FRAS1: variants seen among roughly 807,000 people sequenced by gnomAD.
The protein encoded by FRAS1 is extracellular matrix organizing protein FRAS1.
FRAS1 carries 290 observed loss-of-function variants against 435.2 expected under a neutral mutation model. The ratio of observed to expected loss-of-function variants is 0.67; its 90% CI spans 0.61 to 0.73. The LOEUF (loss-of-function observed/expected upper bound fraction) is 0.73, where lower values mean the gene tolerates loss of function less well. Among genes scored for constraint, FRAS1 ranks in the 30% least tolerant of loss-of-function variants. The probability of loss-of-function intolerance (pLI) is 0.00; values close to 1 mark genes in which losing one functional copy is unlikely to be tolerated. For synonymous variants in FRAS1, 1,800 were observed against 1,851.0 expected (o/e 0.97, Z 0.71); for missense variants, 4,860 against 5,001.5 (o/e 0.97, Z 0.85).
intron 70 of FRAS1, among the ~76,000 whole-genome samples, chr4:78,533,244 T>G (rs1257039339): frequency 1.3e-5 from 2 of 152,266 alleles, no homozygotes; most frequent in Non-Finnish European, 2.9e-5. Flanking sequence ...GTAACTTCCC[T>G]GAGATCATGT....
chr4:78,320,592 T>C (rs1375658271), intron 18 of FRAS1, among the ~76,000 whole-genome samples: 1 of 152,086 alleles, frequency 6.6e-6, no homozygotes, highest in African/African-American at 2.4e-5. Flanking sequence ...CTAGCCCTGC[T>C]TGATGTGAGG....
At chr4:78,433,617 A>T (rs2110391704) in intron 38 of FRAS1, among the ~76,000 whole-genome samples, 1 of 152,274 alleles carries the variant, frequency 6.6e-6, no homozygotes, top group East Asian at 1.9e-4. Context: ...GTTATGGGAG[A>T]CTGCATTCCA....
At chr4:78,211,300 C>T (rs757887607) in intron 2 of FRAS1, among the ~76,000 whole-genome samples, 33 of 152,052 alleles carry the variant, frequency 2.2e-4, no homozygotes, top group Non-Finnish European at 4.4e-4. Context: ...TGAAGACAGG[C>T]GCACCTATCT....
intron 1 of FRAS1, among the ~76,000 whole-genome samples, chr4:78,063,355 G>A (rs1386020073): frequency 6.6e-6 from 1 of 152,128 alleles, no homozygotes; most frequent in African/African-American, 2.4e-5. Context: ...CATCACACTG[G>A]AATGCTTTTT....
intron 2 of FRAS1, among the ~76,000 whole-genome samples, chr4:78,236,813 T>C (rs1297092433): frequency 6.6e-6 from 1 of 152,218 alleles, no homozygotes; most frequent in Non-Finnish European, 1.5e-5. Context: ...CCTTTCCAAT[T>C]TGTGGAGTAA....
chr4:78,278,530 G>T lies in FRAS1; in HGVS notation c.982-125G>T, dbSNP rs77246405. On this transcript the variant is annotated intron_variant, in intron 9 of 73. Coordinates refer to ENST00000512123, the MANE Select transcript of FRAS1 (RefSeq NM_025074.7). ...GACAGGGGGAGATGAAACAGGCAGA[G>T]GGCCAGAGCCAACAGTGTGCCAGCG... is the stretch of plus-strand genomic sequence containing the variant. The T allele has an allele frequency of 9.1e-3, 5,789 of 638,154 alleles. 254 individuals carry two copies. In the African/African-American group the frequency reaches 0.092, roughly 10 times the overall value. The allele number at this position is 638,154 out of a possible 1,614,324, so 39.5% of individuals were successfully genotyped here. A position where few individuals can be genotyped will look rare whatever the true frequency, so the allele number is the denominator to read the frequency against.
chr4:78,264,971 G>T lies in FRAS1; in HGVS notation c.604-54G>T, dbSNP rs1726277912. On this transcript the variant is annotated intron_variant, in intron 6 of 73. Coordinates refer to ENST00000512123, the MANE Select transcript of FRAS1 (RefSeq NM_025074.7). Reference sequence around the variant, plus strand: ...CTGTGAATGAAATTTTCCTGCTGTTGTGGATCTTATTAATATCACTTTGTG... The same window carrying T: ...CTGTGAATGAAATTTTCCTGCTGTTTTGGATCTTATTAATATCACTTTGTG... The T allele has an allele frequency of 8.2e-6, 9 of 1,101,492 alleles. No homozygotes were observed. In the South Asian group the frequency reaches 9.1e-5, roughly 11 times the overall value. The allele number at this position is 1,101,492 out of a possible 1,614,324, so 68.2% of individuals were successfully genotyped here.
chr4:78,162,863 C>T (rs1192850605), intron 2 of FRAS1, among the ~76,000 whole-genome samples: 1 of 152,172 alleles, frequency 6.6e-6, no homozygotes, highest in Non-Finnish European at 1.5e-5. Flanking sequence ...GTAAACCATC[C>T]TGTACTGGGG....
chr4:78,263,399 A>G (rs1486782238), intron 6 of FRAS1, among the ~76,000 whole-genome samples: 1 of 152,192 alleles, frequency 6.6e-6, no homozygotes, highest in Non-Finnish European at 1.5e-5. Flanking sequence ...AATTTGCCCT[A>G]TATCAACCAC....
intron 6 of FRAS1, among the ~76,000 whole-genome samples, chr4:78,263,609 T>C (rs901080841): frequency 4.6e-5 from 7 of 152,204 alleles, no homozygotes; most frequent in African/African-American, 1.7e-4. Context: ...TGCTGAATAG[T>C]GTAACATCAG....
chr4:78,516,156 C>G (rs1721212754), intron 66 of FRAS1, 143 bp downstream of exon 66: 3 of 637,488 alleles, frequency 4.7e-6, no homozygotes, highest in Admixed American at 6.5e-5. Context: ...GTCCCTCAAG[C>G]AAGATCTTGG....
intron 18 of FRAS1, among the ~76,000 whole-genome samples, chr4:78,326,780 T>C (rs759622440): frequency 2.0e-5 from 3 of 152,082 alleles, no homozygotes; most frequent in Non-Finnish European, 2.9e-5. Context: ...TATGAGGTGG[T>C]TAGAGAAAGA....
Position 78,472,342 on chromosome 4 carries a change from C to G in FRAS1, c.7522+12C>G, listed in dbSNP as rs188066525. On this transcript the variant is annotated intron_variant, in intron 52 of 73. Transcript: ENST00000512123. The stretch of plus-strand genomic sequence containing the variant: ...CACTTTCACCCAGGGTGGGGACTCT[C>G]TGGGAACTTAGAAATGGGAGAAATC... The G allele has an allele frequency of 1.7e-4, 271 of 1,578,850 alleles. No individual in the cohort carries two copies. The highest frequency in any genetic ancestry group is 2.1e-4 in the Non-Finnish European group (248 of 1,161,572).
rs1196814894 is a variant in FRAS1, at chr4:78,539,311, G to C, written c.11316G>C (p.Glu3772Asp). ...RFLLLDRNQP[E>D]VTDKYFHDVP... ...AATCCTAGGACCGCAATCAGCCAGA[G>C]GTAACTGATAAGTACTTCCATGATG... Residue 3772 changes from glutamate to aspartate, a missense_variant, in exon 73 of 74, where the codon GAG (glutamate) becomes GAC (aspartate). Glu to Asp is a conservative substitution (Grantham distance 45). Coordinates refer to ENST00000512123, the MANE Select transcript of FRAS1 (RefSeq NM_025074.7). 1 of 1,608,038 alleles carries C rather than the reference G, an allele frequency of 6.2e-7. No homozygotes were observed. The highest frequency in any genetic ancestry group is 8.5e-7 in the Non-Finnish European group (1 of 1,178,204).
intron 2 of FRAS1, among the ~76,000 whole-genome samples, chr4:78,141,065 C>G (rs779936907): frequency 6.6e-6 from 1 of 152,042 alleles, no homozygotes; most frequent in Non-Finnish European, 1.5e-5. Context: ...TTTTATTATA[C>G]TTTAAATTCT....
chr4:78,267,325 C>T lies in FRAS1; in HGVS notation c.874C>T (p.Arg292Trp), dbSNP rs368173429. 3.3e-5 allele frequency: 54 copies of T among 1,613,602 alleles called. No homozygotes were observed. The Middle Eastern group carries it at 4.9e-4, about 15-fold the overall frequency. Residue 292 changes from arginine (R) to tryptophan (W), a missense_variant, in exon 9 of 74, where the codon CGG becomes TGG. Arg to Trp is a moderately radical substitution (Grantham distance 101). Transcript: ENST00000512123. ...GAGCTGCTCCTATGATGGAGTTGTG[C>T]GGTACCAGGACGAAATGTGGAAGGG... is the stretch of plus-strand genomic sequence containing the variant. Reference protein sequence around the residue: ...AGSCSYDGVVRYQDEMWKGSA... With the variant: ...AGSCSYDGVVWYQDEMWKGSA...
rs187899908 is a variant in FRAS1 at position 78,359,248 on chromosome 4, C to A, written c.2423-4265C>A. Among the ~76,000 whole-genome samples, 112 of 151,696 alleles carry A rather than the reference C, an allele frequency of 7.4e-4. 1 individual carries two copies. The Middle Eastern group carries it at 0.027, about 37-fold the overall frequency. ...GTGGGGTCGGCTACTCGTAGCCTGT[C>A]TTGCCTGAGTTTTGTAGTCTGCCCT... On this transcript the variant is annotated intron_variant, in intron 20 of 73. Coordinates refer to ENST00000512123, the MANE Select transcript of FRAS1 (RefSeq NM_025074.7).
intron 33 of FRAS1, among the ~76,000 whole-genome samples, chr4:78,419,411 G>T (rs1733678744): frequency 6.6e-6 from 1 of 152,174 alleles, no homozygotes; most frequent in Admixed American, 6.5e-5. Context: ...CCCTAGTAAG[G>T]TTATGACAGG....
At chr4:78,529,623 T>C (rs1360697985) in intron 70 of FRAS1, among the ~76,000 whole-genome samples, 1 of 152,202 alleles carries the variant, frequency 6.6e-6, no homozygotes, top group Non-Finnish European at 1.5e-5. Flanking sequence ...TTGGAGTAAA[T>C]GTTCCAAGAG....
Sources: gnomAD v4.1 joint callset for allele counts (sites outside exome capture counted in the v4.1 genomes callset) on GRCh38, gnomAD v4.1.1 for gene constraint, MANE v1.5 for transcripts, NCBI Gene and HGNC (gene_info 2026-07-23, HGNC 2026-07-21) for gene names.